CCBE1: variants seen among roughly 807,000 people sequenced by gnomAD.
CCBE1 encodes collagen and calcium binding EGF domains 1.
A neutral mutation model predicts 50.0 loss-of-function variants in CCBE1; 37 were observed. That is an observed-to-expected ratio of 0.74 (90% CI 0.57 to 0.97). The LOEUF is 0.97. CCBE1 is among the 50% of genes least tolerant of loss of function. The pLI is 0.00. For missense variants in CCBE1, 538 were observed against 523.8 expected (o/e 1.03, Z -0.26); for synonymous variants, 234 against 203.7 (o/e 1.15, Z -1.27).
At chr18:59,504,837 C>T (rs910038979) in intron 2 of CCBE1, among the ~76,000 whole-genome samples, 87 of 152,130 alleles carry the variant, frequency 5.7e-4, no homozygotes, top group African/African-American at 1.9e-3. Flanking sequence ...AAGCACACAG[C>T]GACCTCCTCT....
At chr18:59,561,628 T>C (rs948716514) in intron 2 of CCBE1, among the ~76,000 whole-genome samples, 2 of 152,214 alleles carry the variant, frequency 1.3e-5, no homozygotes, top group Non-Finnish European at 2.9e-5. Flanking sequence ...TCTTGGGGCT[T>C]GGCTTGGCTC....
chr18:59,602,121 T>C (rs1203701277), intron 2 of CCBE1, among the ~76,000 whole-genome samples: 7 of 152,122 alleles, frequency 4.6e-5, no homozygotes, highest in Non-Finnish European at 1.0e-4. Context: ...TTCCTTTTTT[T>C]TTTTTTAATA....
intron 2 of CCBE1, among the ~76,000 whole-genome samples, chr18:59,623,143 G>A (rs756935415): frequency 3.8e-4 from 58 of 152,260 alleles, no homozygotes; most frequent in Non-Finnish European, 5.6e-4. Context: ...GAGTATATGG[G>A]AAATCACTAT....
intron 2 of CCBE1, among the ~76,000 whole-genome samples, chr18:59,669,131 C>T (rs746635251): frequency 1.3e-5 from 2 of 152,026 alleles, no homozygotes; most frequent in Admixed American, 6.6e-5. Flanking sequence ...CCACCTTGCC[C>T]GGCCAACATA....
intron 2 of CCBE1, among the ~76,000 whole-genome samples, chr18:59,500,365 T>C (rs568803428): frequency 3.3e-5 from 5 of 152,316 alleles, no homozygotes; most frequent in African/African-American, 1.2e-4. Flanking sequence ...GCAGTGGGAA[T>C]GAAGTCTTCG....
At chr18:59,460,966 A>AATAC (rs1911441849) in intron 5 of CCBE1, among the ~76,000 whole-genome samples, 1 of 150,016 alleles carries the variant, frequency 6.7e-6, no homozygotes, top group Admixed American at 6.6e-5. Context: ...TAAATAAATA[A>AATAC]ATAATAAAAT....
chr18:59,585,885 A>C (rs189658703), intron 2 of CCBE1, among the ~76,000 whole-genome samples: 54 of 152,326 alleles, frequency 3.5e-4, no homozygotes, highest in Admixed American at 2.0e-3. Flanking sequence ...TATTTCAACT[A>C]CTATTTCTAA....
chr18:59,565,180 T>C (rs1161744572), intron 2 of CCBE1, among the ~76,000 whole-genome samples: 2 of 149,248 alleles, frequency 1.3e-5, no homozygotes, highest in Non-Finnish European at 3.0e-5. Context: ...TGGTTAACTC[T>C]GAGTGTCAAA....
At position 59,630,131 on chromosome 18, in the gene CCBE1, G is replaced by A. The variant is rs2564467; in HGVS notation, c.212+66498C>T. Among the ~76,000 whole-genome samples, 1,036 of 152,240 alleles carry A rather than the reference G, an allele frequency of 6.8e-3. 15 individuals carry two copies. Among genetic ancestry groups the A allele is most frequent in the African/African-American group, 0.024 (987 of 41,530 alleles). ...GACCAGTAAACCAGCCACCATGTGC[G>A]GCAAAGCTGTGACAAGCAGGCAAGA... On this transcript the variant is annotated intron_variant, in intron 2 of 10. Coordinates refer to ENST00000439986, the MANE Select transcript of CCBE1 (RefSeq NM_133459.4).
chr18:59,592,485 T>G lies in CCBE1; in HGVS notation c.212+104144A>C, dbSNP rs149175945. ...GGCATATCAACATAACACAATACTTTGCATCTGCAAAAAAAGAAGATCCTT... is the reference window on the plus strand; with the variant it reads ...GGCATATCAACATAACACAATACTTGGCATCTGCAAAAAAAGAAGATCCTT... On this transcript the variant is annotated intron_variant, in intron 2 of 10. Coordinates refer to ENST00000439986, the MANE Select transcript of CCBE1 (RefSeq NM_133459.4). Among the ~76,000 whole-genome samples the G allele has an allele frequency of 7.0e-3, 1,060 of 152,216 alleles. 11 individuals carry two copies. Among genetic ancestry groups the G allele is most frequent in the African/African-American group, 0.024 (977 of 41,546 alleles).
At chr18:59,464,239 C>G (rs966725677) in intron 5 of CCBE1, among the ~76,000 whole-genome samples, 1 of 152,148 alleles carries the variant, frequency 6.6e-6, no homozygotes. Flanking sequence ...AGTTTGAGAC[C>G]AGCCTGGCCA....
At chr18:59,513,466 C>T (rs1914226421) in intron 2 of CCBE1, among the ~76,000 whole-genome samples, 1 of 152,216 alleles carries the variant, frequency 6.6e-6, no homozygotes, top group African/African-American at 2.4e-5. Flanking sequence ...CAACTGTATA[C>T]TTCCTTTGTG....
intron 10 of CCBE1, among the ~76,000 whole-genome samples, chr18:59,436,952 A>G (rs1241498999): frequency 6.6e-6 from 1 of 152,058 alleles, no homozygotes; most frequent in Admixed American, 6.5e-5. Flanking sequence ...AGCCTGGGTG[A>G]CAGAGTGAGA....
chr18:59,553,637 C>T (rs9949569), intron 2 of CCBE1, among the ~76,000 whole-genome samples: 321 of 152,294 alleles, frequency 2.1e-3, no homozygotes, highest in African/African-American at 7.3e-3. Context: ...CCAGACCAGT[C>T]GCAGTGCCAC....
intron 2 of CCBE1, among the ~76,000 whole-genome samples, chr18:59,637,124 C>A (rs116314105): frequency 0.022 from 3,343 of 152,258 alleles, 73 homozygotes; most frequent in African/African-American, 0.058. Context: ...AATCTGCACA[C>A]ATAATTCAAA....
intron 2 of CCBE1, among the ~76,000 whole-genome samples, chr18:59,556,742 G>GT (rs2052662640): frequency 6.6e-6 from 1 of 152,160 alleles, no homozygotes; most frequent in South Asian, 2.1e-4. Context: ...CCACACTGAG[G>GT]TTTTTTGTTC....
chr18:59,525,384 G>A (rs1914776388), intron 2 of CCBE1, among the ~76,000 whole-genome samples: 1 of 152,196 alleles, frequency 6.6e-6, no homozygotes. Context: ...TCTGAAAAGT[G>A]TCTGTTTCAT....
intron 2 of CCBE1, among the ~76,000 whole-genome samples, chr18:59,501,990 C>T (rs755704019): frequency 5.9e-5 from 9 of 152,108 alleles, no homozygotes; most frequent in Admixed American, 3.9e-4. Flanking sequence ...GCACAGACAG[C>T]GTCTCCATAT....
At chr18:59,591,431 T>A (rs1375587661) in intron 2 of CCBE1, among the ~76,000 whole-genome samples, 1 of 152,168 alleles carries the variant, frequency 6.6e-6, no homozygotes, top group African/African-American at 2.4e-5. Flanking sequence ...TTGCATCATG[T>A]ATCACAAATT....
Sources: gnomAD v4.1 joint callset for allele counts (sites outside exome capture counted in the v4.1 genomes callset) on GRCh38, gnomAD v4.1.1 for gene constraint, MANE v1.5 for transcripts, NCBI Gene and HGNC (gene_info 2026-07-23, HGNC 2026-07-21) for gene names.